The following GPC6 variants were observed in gnomAD, a reference collection of about 807,000 sequenced individuals.
GPC6 encodes glypican-6.
A neutral mutation model predicts 55.2 loss-of-function variants in GPC6; 14 were observed. The ratio of observed to expected loss-of-function variants is 0.25; its 90% CI spans 0.17 to 0.40. The LOEUF (loss-of-function observed/expected upper bound fraction) is 0.40, where lower values mean the gene tolerates loss of function less well. Ranked by LOEUF, GPC6 falls within the 10% of genes least tolerant of loss-of-function variation. The pLI is 1.00. For missense variants in GPC6, 641 were observed against 708.5 expected (o/e 0.90, Z 1.08); for synonymous variants, 278 against 259.6 (o/e 1.07, Z -0.68).
At chr13:93,621,889 T>C (rs1878966318) in intron 2 of GPC6, among the ~76,000 whole-genome samples, 1 of 152,212 alleles carries the variant, frequency 6.6e-6, no homozygotes, top group African/African-American at 2.4e-5. Context: ...TCCTCTCTTC[T>C]GGCATTTTGA....
chr13:93,425,931 C>A (rs986430213), intron 1 of GPC6, among the ~76,000 whole-genome samples: 1 of 152,152 alleles, frequency 6.6e-6, no homozygotes, highest in Admixed American at 6.6e-5. Context: ...TTATTTCCTT[C>A]TTTGATTTCT....
intron 1 of GPC6, among the ~76,000 whole-genome samples, chr13:93,461,101 A>G (rs1157947367): frequency 6.6e-6 from 1 of 152,016 alleles, no homozygotes; most frequent in Admixed American, 6.6e-5. Context: ...TTTTTGTTTG[A>G]TGGGTTTTTT....
intron 2 of GPC6, among the ~76,000 whole-genome samples, chr13:93,656,087 G>A (rs924897294): frequency 3.3e-5 from 5 of 152,074 alleles, no homozygotes; most frequent in Non-Finnish European, 7.4e-5. Context: ...TGGTTAAAGA[G>A]CCATAAGGAA....
chr13:93,931,059 G>A (rs1487054146), intron 3 of GPC6, among the ~76,000 whole-genome samples: 1 of 152,084 alleles, frequency 6.6e-6, no homozygotes, highest in African/African-American at 2.4e-5. Context: ...CAAAGGTATG[G>A]TGCTAGCCCA....
chr13:94,407,749 C>A lies in GPC6; in HGVS notation c.*4532C>A, dbSNP rs1881423424. On this transcript the variant is annotated 3_prime_UTR_variant, in exon 9 of 9. Transcript: ENST00000377047. The stretch of plus-strand genomic sequence containing the variant: ...CAAATGTGAAAAGACTAATAATTTC[C>A]CAATTTAGCCAATTGCATTGATTTT... Among the ~76,000 whole-genome samples the A allele has an allele frequency of 6.6e-6, 1 of 151,996 alleles. No individual in the cohort carries two copies. The highest frequency in any genetic ancestry group is 1.5e-5 in the Non-Finnish European group (1 of 67,976).
chr13:94,230,291 C>T (rs1044679783), intron 4 of GPC6, among the ~76,000 whole-genome samples: 4 of 152,166 alleles, frequency 2.6e-5, no homozygotes, highest in Non-Finnish European at 5.9e-5. Flanking sequence ...CCAAGTCCTG[C>T]TCCAGGTCAC....
At chr13:93,597,519 A>G (rs1335613504) in intron 2 of GPC6, among the ~76,000 whole-genome samples, 1 of 152,006 alleles carries the variant, frequency 6.6e-6, no homozygotes, top group Non-Finnish European at 1.5e-5. Flanking sequence ...ATTACAGTTG[A>G]CCCTTGAGCA....
At chr13:93,397,822 G>A (rs1412437364) in intron 1 of GPC6, among the ~76,000 whole-genome samples, 5 of 151,478 alleles carry the variant, frequency 3.3e-5, no homozygotes, top group South Asian at 4.2e-4. Context: ...ACTCAACTTG[G>A]AAGCCTGTCC....
chr13:93,742,262 T>A (rs1273719230), intron 2 of GPC6, among the ~76,000 whole-genome samples: 1 of 152,216 alleles, frequency 6.6e-6, no homozygotes, highest in African/African-American at 2.4e-5. Context: ...AAGCTCAATT[T>A]AAATATAAAT....
intron 3 of GPC6, among the ~76,000 whole-genome samples, chr13:94,009,026 G>A (rs1882134964): frequency 6.6e-6 from 1 of 152,146 alleles, no homozygotes; most frequent in Non-Finnish European, 1.5e-5. Context: ...CAAGTGCTAA[G>A]ATATTCCTTC....
At chr13:94,245,984 G>C (rs1891184004) in intron 4 of GPC6, among the ~76,000 whole-genome samples, 1 of 152,084 alleles carries the variant, frequency 6.6e-6, no homozygotes, top group Non-Finnish European at 1.5e-5. Context: ...CCCACTAACA[G>C]TGGGCAAGGG....
chr13:93,958,833 A>G (rs937677255), intron 3 of GPC6, among the ~76,000 whole-genome samples: 1 of 152,056 alleles, frequency 6.6e-6, no homozygotes, highest in Admixed American at 6.5e-5. Flanking sequence ...ATGTTTTTCC[A>G]TGTATTTGTG....
intron 6 of GPC6, among the ~76,000 whole-genome samples, chr13:94,315,147 G>C (rs1876454872): frequency 6.6e-6 from 1 of 152,182 alleles, no homozygotes; most frequent in African/African-American, 2.4e-5. Context: ...CAGGTTGATA[G>C]TCAATGAATG....
chr13:94,201,136 A>G (rs1449485042), intron 4 of GPC6, among the ~76,000 whole-genome samples: 1 of 152,202 alleles, frequency 6.6e-6, no homozygotes, highest in African/African-American at 2.4e-5. Flanking sequence ...CTCAGACAGA[A>G]TGTTCTGGCT....
At chr13:93,578,601 G>C (rs1401785711) in intron 2 of GPC6, among the ~76,000 whole-genome samples, 2 of 147,390 alleles carry the variant, frequency 1.4e-5, no homozygotes, top group African/African-American at 4.9e-5. Context: ...CTGTAAGTTT[G>C]TTGATTTTTG....
chr13:93,859,565 C>T (rs1371894596), intron 3 of GPC6, among the ~76,000 whole-genome samples: 1 of 151,638 alleles, frequency 6.6e-6, no homozygotes, highest in Non-Finnish European at 1.5e-5. Context: ...GTAGTTCTAT[C>T]TTGTAGTAGT....
chr13:93,905,877 T>C (rs1876636991), intron 3 of GPC6, among the ~76,000 whole-genome samples: 1 of 152,232 alleles, frequency 6.6e-6, no homozygotes, highest in African/African-American at 2.4e-5. Context: ...GAAGAAGGTA[T>C]GTGAACAATA....
chr13:93,997,788 G>T (rs933443203), intron 3 of GPC6, among the ~76,000 whole-genome samples: 1 of 152,194 alleles, frequency 6.6e-6, no homozygotes, highest in Non-Finnish European at 1.5e-5. Flanking sequence ...TTCCATAAAT[G>T]TTGCTGATAA....
intron 1 of GPC6, among the ~76,000 whole-genome samples, chr13:93,540,855 TCCC>T (rs1882265743): frequency 6.6e-6 from 1 of 152,060 alleles, no homozygotes; most frequent in Non-Finnish European, 1.5e-5. Flanking sequence ...CCTCTACCCT[TCCC>T]AGCCTCTAGT....
Sources: gnomAD v4.1 joint callset for allele counts (sites outside exome capture counted in the v4.1 genomes callset) on GRCh38, gnomAD v4.1.1 for gene constraint, MANE v1.5 for transcripts, NCBI Gene and HGNC (gene_info 2026-07-23, HGNC 2026-07-21) for gene names.